DCC: variants seen among roughly 807,000 people sequenced by gnomAD.
The protein encoded by DCC is DCC netrin 1 receptor.
In DCC, 58 loss-of-function variants were observed where a neutral mutation model predicts 172.5. The ratio of observed to expected loss-of-function variants is 0.34; its 90% confidence interval spans 0.27 to 0.42. The LOEUF is 0.42. Ranked by LOEUF, DCC falls within the 10% of genes least tolerant of loss-of-function variation. The pLI is 1.00. For synonymous variants in DCC, 709 were observed against 644.5 expected, an observed-to-expected ratio of 1.10 and a Z score of -1.52; for missense variants, 1,740 against 1,791.0, an observed-to-expected ratio of 0.97 and a Z score of 0.51.
At chr18:53,196,830 C>T (rs941038532) in intron 9 of DCC, among the ~76,000 whole-genome samples, 6 of 152,042 alleles carry the variant, frequency 3.9e-5, no homozygotes, top group Non-Finnish European at 7.4e-5. Context: ...CTGCTTCCTC[C>T]AACCAAATGT....
chr18:53,005,354 A>G (rs1167482293), intron 5 of DCC, among the ~76,000 whole-genome samples: 3 of 152,212 alleles, frequency 2.0e-5, no homozygotes, highest in African/African-American at 7.2e-5. Flanking sequence ...AAGTAAGCCA[A>G]CCATCTCCAA....
At chr18:52,504,352 A>G (rs7243931) in intron 1 of DCC, among the ~76,000 whole-genome samples, 20,182 of 152,138 alleles carry the variant, frequency 0.13, 1,476 homozygotes, top group East Asian at 0.25. Flanking sequence ...GATGGGGATG[A>G]CAGGGAACAT....
chr18:53,305,699 A>G lies in DCC; in HGVS notation c.2033A>G (p.Asn678Ser), dbSNP rs149348993. The G allele has an allele frequency of 3.8e-5, 61 of 1,613,870 alleles. 1 individual carries two copies. In the African/African-American group the frequency reaches 6.1e-4, roughly 16 times the overall value. ...RGEMETLEPNNLWYLFTGLEK... is the reference protein window; with the variant it reads ...RGEMETLEPNSLWYLFTGLEK... The stretch of plus-strand genomic sequence containing the variant: ...GAGATGGAAACACTGGAGCCAAACA[A>G]CCTCTGGTACCTATTCACAGGTCAG... Residue 678 changes from asparagine (N) to serine (S), a missense_variant, in exon 13 of 29, where the codon AAC (asparagine) becomes AGC (serine). Transcript: ENST00000442544.
intron 5 of DCC, among the ~76,000 whole-genome samples, chr18:53,062,919 T>G (rs932354595): frequency 1.6e-4 from 25 of 152,168 alleles, no homozygotes; most frequent in African/African-American, 3.4e-4. Flanking sequence ...TCCTCTGGGT[T>G]GTCTCAGTTC....
chr18:52,783,340 T>A (rs1178108099), intron 2 of DCC, among the ~76,000 whole-genome samples: 3 of 99,624 alleles, frequency 3.0e-5, no homozygotes, highest in Non-Finnish European at 7.2e-5. Flanking sequence ...TTTTTTTTTT[T>A]TTTTTTTTTT....
intron 14 of DCC, 94 bp from the exon 15 acceptor site, chr18:53,339,619 C>G: frequency 1.1e-6 from 1 of 930,404 alleles, no homozygotes; most frequent in Admixed American, 1.7e-5. Context: ...ATTTATGCAT[C>G]TATGAAATAT....
At chr18:53,522,751 T>C (rs138517483) in intron 27 of DCC, among the ~76,000 whole-genome samples, 16 of 152,208 alleles carry the variant, frequency 1.1e-4, no homozygotes, top group Middle Eastern at 3.4e-3. Context: ...TTACACCTTA[T>C]ACAAAAATTA....
intron 1 of DCC, among the ~76,000 whole-genome samples, chr18:52,621,807 G>A (rs1568260360): frequency 6.6e-6 from 1 of 152,072 alleles, no homozygotes. Context: ...TATGATACCC[G>A]AGGCTTCCTC....
At chr18:53,231,163 CAT>C (rs1388898282) in intron 12 of DCC, among the ~76,000 whole-genome samples, 1 of 151,986 alleles carries the variant, frequency 6.6e-6, no homozygotes, top group Non-Finnish European at 1.5e-5. Flanking sequence ...TACTCTATGA[CAT>C]GTGGGTCTTG....
intron 7 of DCC, among the ~76,000 whole-genome samples, chr18:53,152,189 A>G (rs943839513): frequency 6.6e-6 from 1 of 152,196 alleles, no homozygotes; most frequent in African/African-American, 2.4e-5. Flanking sequence ...AGTGAGCAAC[A>G]TGGGGAATGA....
At chr18:52,466,411 A>G (rs1187701366) in intron 1 of DCC, among the ~76,000 whole-genome samples, 2 of 152,130 alleles carry the variant, frequency 1.3e-5, no homozygotes, top group Admixed American at 6.6e-5. Flanking sequence ...AACTCGAAAA[A>G]CATTTAGCCT....
At chr18:52,486,454 C>T (rs1019313561) in intron 1 of DCC, among the ~76,000 whole-genome samples, 6 of 152,268 alleles carry the variant, frequency 3.9e-5, no homozygotes, top group Admixed American at 2.6e-4. Flanking sequence ...TAGAAAGCAG[C>T]TTATTTATAC....
intron 2 of DCC, among the ~76,000 whole-genome samples, chr18:52,819,203 A>G (rs749188913): frequency 5.8e-4 from 86 of 148,936 alleles, no homozygotes; most frequent in Non-Finnish European, 1.0e-3. Flanking sequence ...GAAACCAACA[A>G]GACAAAGAGC....
chr18:52,794,951 C>G (rs375356904), intron 2 of DCC, among the ~76,000 whole-genome samples: 1 of 151,976 alleles, frequency 6.6e-6, no homozygotes, highest in Non-Finnish European at 1.5e-5. Flanking sequence ...GTACATGGAA[C>G]CATCCTTGCA....
In DCC at chr18:53,028,225, T is replaced by C. The variant is rs138458114; in HGVS notation, c.986-35080T>C. 3.9e-4 allele frequency among the ~76,000 whole-genome samples: 60 copies of C among 152,234 alleles called. 3 individuals are homozygous for C. In the East Asian group the frequency reaches 0.011, roughly 28 times the overall value. Reference sequence around the variant, plus strand: ...GCTATTATCCATATCTGAATGTGCCTCAGGTACCATTAGCAGCAGCACTCT... The same window carrying C: ...GCTATTATCCATATCTGAATGTGCCCCAGGTACCATTAGCAGCAGCACTCT... On this transcript the variant is annotated intron_variant, in intron 5 of 28. Coordinates refer to ENST00000442544, the MANE Select transcript of DCC (RefSeq NM_005215.4).
At chr18:53,300,558 C>A (rs1023978619) in intron 12 of DCC, among the ~76,000 whole-genome samples, 3 of 152,120 alleles carry the variant, frequency 2.0e-5, no homozygotes, top group African/African-American at 4.8e-5. Flanking sequence ...GTTGACAATA[C>A]TGTCATATTA....
intron 5 of DCC, among the ~76,000 whole-genome samples, chr18:53,031,620 T>C (rs1444069094): frequency 6.6e-6 from 1 of 152,016 alleles, no homozygotes; most frequent in African/African-American, 2.4e-5. Context: ...GGGAGATTAA[T>C]AGAACTAAAA....
At chr18:52,794,633 T>G (rs1320680084) in intron 2 of DCC, among the ~76,000 whole-genome samples, 1 of 152,110 alleles carries the variant, frequency 6.6e-6, no homozygotes, top group Non-Finnish European at 1.5e-5. Context: ...TTTATTTCTT[T>G]CTTGCTTGAT....
intron 1 of DCC, among the ~76,000 whole-genome samples, chr18:52,368,265 T>G (rs1984964744): frequency 6.6e-6 from 1 of 152,218 alleles, no homozygotes; most frequent in African/African-American, 2.4e-5. Context: ...GTTTCTTTCT[T>G]TTTTTCATGA....
Sources: allele counts gnomAD v4.1 joint callset (sites outside exome capture counted in the v4.1 genomes callset), GRCh38; gene constraint gnomAD v4.1.1; transcripts MANE v1.5; gene names NCBI Gene and HGNC (gene_info 2026-07-23, HGNC 2026-07-21).